The following APBB2 variants were observed in gnomAD, a reference collection of about 807,000 sequenced individuals.
APBB2 encodes the protein amyloid beta precursor protein binding family B member 2, also known as Fe65-like 1.
In APBB2, 38 loss-of-function variants were observed where a neutral mutation model predicts 82.5. The ratio of observed to expected loss-of-function variants is 0.46; its 90% CI spans 0.36 to 0.60. The LOEUF (loss-of-function observed/expected upper bound fraction) is 0.60. APBB2 is among the 20% of genes least tolerant of loss of function. The probability of loss-of-function intolerance (pLI) is 0.00; values close to 1 mark genes in which losing one functional copy is unlikely to be tolerated. For synonymous variants in APBB2, 341 were observed against 368.2 expected (o/e 0.93, Z 0.85); for missense variants, 772 against 972.3 (o/e 0.79, Z 2.74).
chr4:41,162,688 T>C (rs1299420291), intron 1 of APBB2, among the ~76,000 whole-genome samples: 1 of 151,934 alleles, frequency 6.6e-6, no homozygotes, highest in African/African-American at 2.4e-5. Flanking sequence ...ACCATGTCTC[T>C]ACAAAAAAAT....
chr4:40,931,683 T>C (rs1784257396), intron 10 of APBB2, among the ~76,000 whole-genome samples: 1 of 152,190 alleles, frequency 6.6e-6, no homozygotes, highest in African/African-American at 2.4e-5. Context: ...GCTGTGCAAA[T>C]CTTGAGATCT....
chr4:41,110,111 A>G (rs1173791969), intron 2 of APBB2, among the ~76,000 whole-genome samples: 1 of 152,158 alleles, frequency 6.6e-6, no homozygotes, highest in Non-Finnish European at 1.5e-5. Context: ...TCTAATTTAC[A>G]GCCCCCATCC....
chr4:40,980,284 G>A (rs761558760), intron 6 of APBB2, among the ~76,000 whole-genome samples: 2 of 152,096 alleles, frequency 1.3e-5, no homozygotes, highest in African/African-American at 2.4e-5. Context: ...TTGGCCTCCC[G>A]AAGTGCTGGG....
chr4:40,984,524 C>T (rs534450721), intron 6 of APBB2, among the ~76,000 whole-genome samples: 1 of 152,174 alleles, frequency 6.6e-6, no homozygotes, highest in Admixed American at 6.5e-5. Flanking sequence ...GGCCAAATTC[C>T]CTGACACTCC....
At chr4:40,998,326 G>A (rs1804216320) in intron 6 of APBB2, among the ~76,000 whole-genome samples, 2 of 152,264 alleles carry the variant, frequency 1.3e-5, no homozygotes, top group South Asian at 2.1e-4. Context: ...ACCAACGCAT[G>A]ATGTTATAAA....
At chr4:40,853,206 G>A (rs558575097) in intron 12 of APBB2, among the ~76,000 whole-genome samples, 1 of 152,042 alleles carries the variant, frequency 6.6e-6, no homozygotes, top group South Asian at 2.1e-4. Context: ...CTGGACTAGG[G>A]CTAGCCAACT....
At chr4:41,015,234 C>T (rs1385982307) in intron 5 of APBB2, among the ~76,000 whole-genome samples, 2 of 152,060 alleles carry the variant, frequency 1.3e-5, no homozygotes, top group Admixed American at 6.6e-5. Flanking sequence ...ATATTGTTTG[C>T]GCCGTTAGTG....
chr4:41,014,677 G>C (rs1340589539), intron 5 of APBB2, among the ~76,000 whole-genome samples: 1 of 152,142 alleles, frequency 6.6e-6, no homozygotes, highest in Non-Finnish European at 1.5e-5. Flanking sequence ...ATTTCTCTTT[G>C]AATTCACATA....
At chr4:41,125,175 G>A (rs925887564) in intron 2 of APBB2, among the ~76,000 whole-genome samples, 1 of 152,166 alleles carries the variant, frequency 6.6e-6, no homozygotes, top group African/African-American at 2.4e-5. Flanking sequence ...TTGCAGGATG[G>A]CATAGCCAAA....
intron 2 of APBB2, among the ~76,000 whole-genome samples, chr4:41,128,604 C>T (rs1448853546): frequency 3.3e-5 from 5 of 152,208 alleles, no homozygotes; most frequent in African/African-American, 4.8e-5. Flanking sequence ...AATTCAACTA[C>T]GTTATTCATT....
chr4:40,827,045 G>C (rs1750179021), intron 14 of APBB2, 87 bp downstream of exon 14: 3 of 1,243,958 alleles, frequency 2.4e-6, no homozygotes, highest in African/African-American at 3.0e-5. Flanking sequence ...AAGGAGACTT[G>C]AAATACCAGA....
In APBB2 at chr4:40,923,137, G is replaced by A. The variant is rs965153107; in HGVS notation, c.1254+11319C>T. On this transcript the variant is annotated intron_variant, in intron 10 of 17. Coordinates refer to ENST00000508593, the MANE Select transcript of APBB2 (RefSeq NM_004307.2). ...ACTACAGGCGCCCGCCACCGCGCCC[G>A]GCTAATTTTTTGTATTTTTAGTAGA... is the stretch of plus-strand genomic sequence containing the variant. Among the ~76,000 whole-genome samples, 223 of 151,638 alleles carry A rather than the reference G, an allele frequency of 1.5e-3. 1 individual carries two copies. Among genetic ancestry groups the A allele is most frequent in the African/African-American group, 4.4e-3 (182 of 41,352 alleles).
chr4:40,816,169 T>C lies in APBB2; in HGVS notation c.2203A>G (p.Thr735Ala). ...AAGACCCCTCGTTTTACATTGGTTG[T>C]GACTCTTCTGGTTACTGAATCTGCT... ...PPADSVTRRV[T>A]TNVKRGVLSL... The change falls in exon 18 of 18, where the codon ACA (threonine) becomes GCA (alanine). Residue 735 changes from threonine (T) to alanine (A), a missense_variant. Coordinates refer to ENST00000508593, the MANE Select transcript of APBB2 (RefSeq NM_004307.2). 1 of 1,614,270 alleles carries C rather than the reference T, an allele frequency of 6.2e-7. No individual in the cohort carries two copies. Among genetic ancestry groups the C allele is most frequent in the East Asian group, 2.2e-5 (1 of 44,894 alleles).
At chr4:41,200,499 T>C (rs1338313423) in intron 1 of APBB2, among the ~76,000 whole-genome samples, 4 of 152,194 alleles carry the variant, frequency 2.6e-5, no homozygotes, top group Non-Finnish European at 4.4e-5. Context: ...TTCAGACTAA[T>C]ATATTTACAG....
chr4:40,893,122 C>A, intron 11 of APBB2, 143 bp downstream of exon 11: 1 of 970,372 alleles, frequency 1.0e-6, no homozygotes, highest in Non-Finnish European at 1.5e-6. Flanking sequence ...GGGTACCATG[C>A]CTACACTTCC....
chr4:40,955,063 T>C (rs1345905424), intron 6 of APBB2, among the ~76,000 whole-genome samples: 1 of 152,242 alleles, frequency 6.6e-6, no homozygotes, highest in East Asian at 1.9e-4. Flanking sequence ...TCTGTACCGA[T>C]GACCTCCTAT....
intron 10 of APBB2, among the ~76,000 whole-genome samples, chr4:40,922,401 C>G (rs1357651602): frequency 6.6e-6 from 1 of 152,178 alleles, no homozygotes; most frequent in African/African-American, 2.4e-5. Flanking sequence ...AGAGCTGCCA[C>G]TCTTGGTGTC....
intron 4 of APBB2, among the ~76,000 whole-genome samples, chr4:41,042,038 TG>T (rs1721704155): frequency 6.6e-6 from 1 of 152,188 alleles, no homozygotes; most frequent in African/African-American, 2.4e-5. Context: ...TCACCCAGGC[TG>T]GAGTGCAGTG....
chr4:41,160,028 A>AGAG (rs1580503910), intron 1 of APBB2, among the ~76,000 whole-genome samples: 7 of 147,734 alleles, frequency 4.7e-5, no homozygotes, highest in South Asian at 4.2e-4. Context: ...AAGAAGAAGA[A>AGAG]GAAGAAGAAA....
Sources: allele counts gnomAD v4.1 joint callset (sites outside exome capture counted in the v4.1 genomes callset), GRCh38; gene constraint gnomAD v4.1.1; transcripts MANE v1.5; gene names NCBI Gene and HGNC (gene_info 2026-07-23, HGNC 2026-07-21).